The following TMEM232 variants were observed in gnomAD, a reference collection of about 807,000 sequenced individuals.
TMEM232 encodes transmembrane protein 232.
TMEM232 carries 80 observed loss-of-function variants against 78.8 expected under a neutral mutation model. The ratio of observed to expected loss-of-function variants is 1.01; its 90% CI spans 0.85 to 1.22. The LOEUF is 1.22. Among genes scored for constraint, TMEM232 ranks in the 50% most tolerant of loss-of-function variants. The pLI, the probability that TMEM232 is intolerant of heterozygous loss-of-function variation, is 0.00. For missense variants in TMEM232, 881 were observed against 742.2 expected (o/e 1.19, Z -2.17); for synonymous variants, 297 against 254.3 (o/e 1.17, Z -1.60).
chr5:110,415,647 G>T (rs1279155365), downstream of TMEM232, among the ~76,000 whole-genome samples: 6 of 152,126 alleles, frequency 3.9e-5, no homozygotes, highest in East Asian at 9.7e-4. Context: ...GTGTTCTCTA[G>T]TCATTGCTTT....
chr5:110,539,009 CT>C (rs931368702), intron 11 of TMEM232, among the ~76,000 whole-genome samples: 2 of 152,144 alleles, frequency 1.3e-5, no homozygotes, highest in African/African-American at 2.4e-5. Flanking sequence ...TCCAATCCCC[CT>C]GTTGGGAAGA....
At chr5:110,526,402 T>A (rs1477516760) in intron 12 of TMEM232, among the ~76,000 whole-genome samples, 4 of 151,484 alleles carry the variant, frequency 2.6e-5, no homozygotes, top group African/African-American at 4.8e-5. Context: ...GCAAAAAAAA[T>A]AATTTCCAAA....
In TMEM232 at chr5:110,627,876, C is replaced by T; in HGVS notation, c.506G>A (p.Gly169Asp). Residue 169 changes from glycine (G) to aspartate (D), a missense_variant, in exon 6 of 14, where the codon GGC becomes GAC. By Grantham distance (94) the Gly-to-Asp change is moderately conservative. Coordinates refer to ENST00000455884, the MANE Select transcript of TMEM232 (RefSeq NM_001039763.4). ...AAAAAGTCGTAAGAAGACCAAATAG[C>T]CAATCTGTCAAAAGAGAAAAGAAAA... ...YSVEIKLAKI[G>D]YLVFLRLFIF... 6.6e-7 allele frequency: 1 copy of T among 1,520,230 alleles called. No homozygotes were observed. The highest frequency in any genetic ancestry group is 1.7e-4 in the Middle Eastern group (1 of 5,916). The allele number at this position is 1,520,230 out of a possible 1,614,324, so 94.2% of individuals were successfully genotyped here. A position where few individuals can be genotyped will look rare whatever the true frequency, so the allele number is the denominator to read the frequency against.
intron 1 of TMEM232, among the ~76,000 whole-genome samples, chr5:110,709,723 T>C (rs73228181): frequency 0.039 from 5,955 of 152,084 alleles, 376 homozygotes; most frequent in African/African-American, 0.14. Context: ...ATCTATGGGA[T>C]ATAATGAGAG....
At chr5:110,448,953 C>G (rs960938250) in intron 12 of TMEM232, among the ~76,000 whole-genome samples, 1 of 151,734 alleles carries the variant, frequency 6.6e-6, no homozygotes, top group Non-Finnish European at 1.5e-5. Flanking sequence ...TAAAGTGTGA[C>G]TAAAACTGTC....
intron 2 of TMEM232, among the ~76,000 whole-genome samples, chr5:110,654,508 T>C (rs1788760405): frequency 6.6e-6 from 1 of 152,244 alleles, no homozygotes; most frequent in South Asian, 2.1e-4. Context: ...CATTGATCTA[T>C]ATCTGTTTTG....
intron 12 of TMEM232, among the ~76,000 whole-genome samples, chr5:110,499,531 C>G (rs541714301): frequency 6.6e-6 from 1 of 151,884 alleles, no homozygotes; most frequent in Non-Finnish European, 1.5e-5. Context: ...GCCAGGATTA[C>G]AGGCATGAGC....
At chr5:110,650,756 G>C (rs1374155789) in intron 2 of TMEM232, among the ~76,000 whole-genome samples, 1 of 152,052 alleles carries the variant, frequency 6.6e-6, no homozygotes, top group Non-Finnish European at 1.5e-5. Context: ...TCCTGTATGG[G>C]ATCCTGGAAC....
intron 2 of TMEM232, among the ~76,000 whole-genome samples, chr5:110,662,841 A>T (rs1561474890): frequency 6.6e-6 from 1 of 152,198 alleles, no homozygotes; most frequent in African/African-American, 2.4e-5. Flanking sequence ...CATAGATTAT[A>T]GACATGAAAG....
chr5:110,691,422 G>A lies in TMEM232; in HGVS notation c.-12-24058C>T, dbSNP rs1185913525. 3.3e-5 allele frequency among the ~76,000 whole-genome samples: 5 copies of A among 152,122 alleles called. No homozygotes were observed. The East Asian group carries it at 7.7e-4, about 23-fold the overall frequency. On this transcript the variant is annotated intron_variant, in intron 1 of 13. Coordinates refer to ENST00000455884, the MANE Select transcript of TMEM232 (RefSeq NM_001039763.4). ...ATGGTTTAGGAAGGAGCTACAAAAG[G>A]GATGTAATTGTCCATGAATTCTTGT...
chr5:110,559,053 A>C (rs1775450013), intron 11 of TMEM232, among the ~76,000 whole-genome samples: 1 of 152,122 alleles, frequency 6.6e-6, no homozygotes, highest in South Asian at 2.1e-4. Context: ...ATGGTCTAGT[A>C]ACTTGGTGAA....
chr5:110,621,705 C>T (rs566814014), intron 7 of TMEM232, among the ~76,000 whole-genome samples: 2 of 152,018 alleles, frequency 1.3e-5, no homozygotes, highest in African/African-American at 4.8e-5. Flanking sequence ...TCTCTCCTTC[C>T]CTCCCTCTCT....
rs183026569 is a variant in TMEM232, at chr5:110,474,470, C to T, written c.1704-49554G>A. On this transcript the variant is annotated intron_variant, in intron 12 of 13. Coordinates refer to ENST00000455884, the MANE Select transcript of TMEM232 (RefSeq NM_001039763.4). ...TAATATCACCTTTAATGGTGATTTACTCAGACCTTTACCCATGATATTGGG... is the reference window on the plus strand; with the variant it reads ...TAATATCACCTTTAATGGTGATTTATTCAGACCTTTACCCATGATATTGGG... Among the ~76,000 whole-genome samples, 352 of 151,560 alleles carry T rather than the reference C, an allele frequency of 2.3e-3. 1 individual carries two copies. The highest frequency in any genetic ancestry group is 3.7e-3 in the Non-Finnish European group (249 of 67,828).
chr5:110,618,890 C>G (rs1405938425), intron 7 of TMEM232, among the ~76,000 whole-genome samples: 1 of 152,118 alleles, frequency 6.6e-6, no homozygotes, highest in Non-Finnish European at 1.5e-5. Flanking sequence ...TTAGTTCTCC[C>G]TGACACTTGA....
chr5:110,553,603 A>G (rs1352229584), intron 11 of TMEM232, among the ~76,000 whole-genome samples: 2 of 152,148 alleles, frequency 1.3e-5, no homozygotes, highest in African/African-American at 2.4e-5. Context: ...GAAGTACTTT[A>G]TGAGATCTAA....
At chr5:110,679,796 A>G (rs1448166105) in intron 1 of TMEM232, among the ~76,000 whole-genome samples, 1 of 152,088 alleles carries the variant, frequency 6.6e-6, no homozygotes, top group Non-Finnish European at 1.5e-5. Flanking sequence ...CCACTGTGTT[A>G]TATTTGTGTA....
intron 12 of TMEM232, among the ~76,000 whole-genome samples, chr5:110,458,166 C>G (rs887914592): frequency 6.6e-6 from 1 of 152,012 alleles, no homozygotes; most frequent in African/African-American, 2.4e-5. Flanking sequence ...TGGCTGCAGG[C>G]TAATTTTAAG....
chr5:110,427,299 A>G (rs1247244750), intron 12 of TMEM232, among the ~76,000 whole-genome samples: 2 of 151,992 alleles, frequency 1.3e-5, no homozygotes, highest in African/African-American at 4.8e-5. Flanking sequence ...TTCACAAGGA[A>G]TAAGAAGGAA....
At chr5:110,598,500 C>A (rs1780469597) in intron 10 of TMEM232, among the ~76,000 whole-genome samples, 1 of 152,106 alleles carries the variant, frequency 6.6e-6, no homozygotes, top group Non-Finnish European at 1.5e-5. Context: ...ACTCAGCCAT[C>A]CCATTACTGG....
Sources: gnomAD v4.1 joint callset for allele counts (sites outside exome capture counted in the v4.1 genomes callset) on GRCh38, gnomAD v4.1.1 for gene constraint, MANE v1.5 for transcripts, NCBI Gene and HGNC (gene_info 2026-07-23, HGNC 2026-07-21) for gene names.